The following SMARCC2 variants were observed in gnomAD, a reference collection of about 807,000 sequenced individuals.
SMARCC2 encodes SWI/SNF complex subunit SMARCC2.
Under a neutral mutation model 151.3 loss-of-function variants are expected in SMARCC2, and 15 were observed. That is an observed-to-expected ratio of 0.10 (90% CI 0.07 to 0.15). The LOEUF (loss-of-function observed/expected upper bound fraction) is 0.15, where lower values mean the gene tolerates loss of function less well. Ranked by LOEUF, SMARCC2 falls within the 10% of genes least tolerant of loss-of-function variation. SMARCC2 has a pLI of 1.00. For missense variants in SMARCC2, 1,031 were observed against 1,599.7 expected, an observed-to-expected ratio of 0.64 and a Z score of 6.06; for synonymous variants, 590 against 609.5, an observed-to-expected ratio of 0.97 and a Z score of 0.47.
At chr12:56,188,561 T>A (rs1255506821) in intron 1 of SMARCC2, among the ~76,000 whole-genome samples, 1 of 152,174 alleles carries the variant, frequency 6.6e-6, no homozygotes, top group Non-Finnish European at 1.5e-5. Flanking sequence ...CAGGTAAGGA[T>A]TCTTGAACCT....
In SMARCC2 at chr12:56,165,794, C is replaced by A. The variant is rs1592274094; in HGVS notation, c.2851-95G>T. 1.3e-5 allele frequency: 17 copies of A among 1,279,240 alleles called. No homozygotes were observed. The East Asian group carries it at 2.6e-4, about 19-fold the overall frequency. The allele number at this position is 1,279,240 out of a possible 1,614,324, so 79.2% of individuals were successfully genotyped here. ...CTTTGTCTTCTTCTGAAAGAGCCTG[C>A]CTCTCAATCAGAAGGTTCCCAAAAT... On this transcript the variant is annotated intron_variant, in intron 26 of 28. Coordinates refer to ENST00000550164, the MANE Select transcript of SMARCC2 (RefSeq NM_001330288.2).
Position 56,163,536 on chromosome 12 carries a change from AG to A in SMARCC2, c.*152del. On this transcript the variant is annotated 3_prime_UTR_variant, in exon 29 of 29. Coordinates refer to ENST00000550164, the MANE Select transcript of SMARCC2 (RefSeq NM_001330288.2). The stretch of plus-strand genomic sequence containing the variant: ...TGATATAAAAATGCATGCCTCTGTT[AG>A]GCATGGTGAGGGCTTTGGAGGGGCG... 1 of 449,584 alleles carries A rather than the reference AG, an allele frequency of 2.2e-6. No homozygotes were observed. Among genetic ancestry groups the A allele is most frequent in the South Asian group, 5.2e-5 (1 of 19,150 alleles). The allele number at this position is 449,584 out of a possible 1,614,324, so 27.8% of individuals were successfully genotyped here.
chr12:56,181,990 C>G lies in SMARCC2; in HGVS notation c.708+14G>C. 6.2e-7 allele frequency: 1 copy of G among 1,604,468 alleles called. No individual in the cohort carries two copies. On this transcript the variant is annotated intron_variant, in intron 8 of 28. Transcript: ENST00000550164. ...CATTCTTTTTGGGGAAGAGGGGATACAAGAAAAGCTCACCTTCCTAGGTTT... is the reference window on the plus strand; with the variant it reads ...CATTCTTTTTGGGGAAGAGGGGATAGAAGAAAAGCTCACCTTCCTAGGTTT...
intron 7 of SMARCC2, among the ~76,000 whole-genome samples, chr12:56,182,645 C>G (rs376474276): frequency 6.4e-4 from 97 of 150,950 alleles, no homozygotes; most frequent in African/African-American, 2.3e-3. Context: ...TTTGTTAAGA[C>G]AGGGTCTCAC....
intron 10 of SMARCC2, 143 bp from the exon 11 acceptor site, chr12:56,181,244 G>T: frequency 1.2e-6 from 1 of 804,954 alleles, no homozygotes; most frequent in Non-Finnish European, 2.0e-6. Context: ...ACACAGTAAT[G>T]GGAAGTGGCA....
At chr12:56,178,567 T>C (rs778748171) in intron 13 of SMARCC2, 33 bp from the exon 14 acceptor site, 3 of 1,613,902 alleles carry the variant, frequency 1.9e-6, no homozygotes, top group Non-Finnish European at 2.5e-6. Flanking sequence ...ACACTCAGCA[T>C]TCCTGCTTCC....
chr12:56,164,493 G>T lies in SMARCC2; in HGVS notation c.3471C>A (p.Ala1157=), dbSNP rs769747038. The change falls in exon 28 of 29, where the codon GCC becomes GCA. Residue 1157 remains alanine, a synonymous_variant. Transcript: ENST00000550164. ...LHGHHHHLPF[A]PGTLPPPNLP... is the part of the protein sequence containing the mutation. The stretch of plus-strand genomic sequence containing the variant: ...GGTTAGGTGGGGGGAGAGTGCCCGG[G>T]GCGAACGGGAGATGGTGGTGATGCC... The T allele has an allele frequency of 4.3e-6, 7 of 1,614,076 alleles. No homozygotes were observed. The highest frequency in any genetic ancestry group is 5.9e-6 in the Non-Finnish European group (7 of 1,180,050).
chr12:56,189,466 T>G lies in SMARCC2; in HGVS notation c.-5A>C. On this transcript the variant is annotated 5_prime_UTR_variant, in exon 1 of 29. Transcript: ENST00000550164. The stretch of plus-strand genomic sequence containing the variant: ...GTCCTTCTTCCGCACCGCCATCTTC[T>G]CCGGCTCGGGCCCCGCCGCCGCCCG... 1 of 1,472,596 alleles carries G rather than the reference T, an allele frequency of 6.8e-7. No individual in the cohort carries two copies. Among genetic ancestry groups the G allele is most frequent in the Non-Finnish European group, 9.1e-7 (1 of 1,098,240 alleles). The allele number at this position is 1,472,596 out of a possible 1,614,324, so 91.2% of individuals were successfully genotyped here. A position where few individuals can be genotyped will look rare whatever the true frequency, so the allele number is the denominator to read the frequency against.
intron 26 of SMARCC2, among the ~76,000 whole-genome samples, chr12:56,166,394 A>C (rs573963276): frequency 2.6e-5 from 4 of 151,724 alleles, no homozygotes; most frequent in Non-Finnish European, 4.4e-5. Flanking sequence ...CTCGTGATCC[A>C]CCTGCCTCAG....
chr12:56,176,489 T>C (rs894753576), intron 15 of SMARCC2, among the ~76,000 whole-genome samples: 8 of 152,220 alleles, frequency 5.3e-5, no homozygotes, highest in African/African-American at 1.9e-4. Context: ...ATCTTTTTTT[T>C]TTTCTTGAGA....
At chr12:56,173,550 G>T in intron 17 of SMARCC2, 146 bp downstream of exon 17, 1 of 705,896 alleles carries the variant, frequency 1.4e-6, no homozygotes, top group Non-Finnish European at 2.4e-6. Context: ...AACACATGGG[G>T]CTGATTCCCG....
In SMARCC2 at chr12:56,178,847, T is replaced by C. The variant is rs1875549716; in HGVS notation, c.1142A>G (p.Asp381Gly). ...CTCCATGCTTTCATCTTCCTGTTCA[T>C]CTGAAAGAGAAAAACCAAGATGTAA... ...PVKGGTMTDL[D>G]EQEDESMETT... is the part of the protein sequence containing the mutation. The change falls in exon 13 of 29, where the codon GAT becomes GGT. Residue 381 changes from aspartate (D) to glycine (G), a missense_variant and splice_region_variant. This residue lies in a region of SMARCC2 where 127 missense variants were observed against 141.7 expected (regional missense o/e 0.90). Coordinates refer to ENST00000550164, the MANE Select transcript of SMARCC2 (RefSeq NM_001330288.2). The C allele has an allele frequency of 6.2e-7, 1 of 1,614,082 alleles. No individual in the cohort carries two copies. The highest frequency in any genetic ancestry group is 8.5e-7 in the Non-Finnish European group (1 of 1,179,936).
Position 56,163,595 on chromosome 12 carries a change from C to A in SMARCC2, c.*94G>T. 1.5e-6 allele frequency: 1 copy of A among 658,240 alleles called. No individual in the cohort carries two copies. The highest frequency in any genetic ancestry group is 2.5e-6 in the Non-Finnish European group (1 of 403,450). The allele number at this position is 658,240 out of a possible 1,614,324, so 40.8% of individuals were successfully genotyped here. ...CTTTCCTTACGTAGTGATGAACTCT[C>A]CAGGCTGGGGAGGGTCCCAGTGGTG... On this transcript the variant is annotated 3_prime_UTR_variant, in exon 29 of 29. Transcript: ENST00000550164.
At chr12:56,169,031 C>T (rs759468678) in intron 25 of SMARCC2, among the ~76,000 whole-genome samples, 6 of 151,888 alleles carry the variant, frequency 4.0e-5, no homozygotes, top group South Asian at 2.1e-4. Flanking sequence ...CGGTGGCTCA[C>T]GCCTGTAATT....
intron 26 of SMARCC2, among the ~76,000 whole-genome samples, chr12:56,167,716 A>G (rs868690508): frequency 6.6e-6 from 1 of 151,962 alleles, no homozygotes; most frequent in African/African-American, 2.4e-5. Flanking sequence ...AACCAACTAG[A>G]GTCCCTGCCT....
intron 3 of SMARCC2, 58 bp from the exon 4 acceptor site, chr12:56,185,169 G>A: frequency 7.1e-7 from 1 of 1,408,198 alleles, no homozygotes; most frequent in Non-Finnish European, 1.0e-6. Flanking sequence ...GATGAGGTGA[G>A]GGCACGTGAC....
intron 3 of SMARCC2, 32 bp downstream of exon 3, chr12:56,186,122 TA>T: frequency 7.0e-7 from 1 of 1,426,510 alleles, no homozygotes. Context: ...TCCTCTAAAC[TA>T]AATATAAGAA....
chr12:56,168,068 G>A lies in SMARCC2; in HGVS notation c.2842C>T (p.Arg948Ter). The A allele has an allele frequency of 6.2e-7, 1 of 1,610,702 alleles. No homozygotes were observed. The change falls in exon 26 of 29, where the codon CGA becomes TGA. Residue 948 changes from arginine (R) to a stop codon, truncating the protein, a stop_gained. Transcript: ENST00000550164. LOFTEE classifies it high-confidence loss of function. Reference sequence around the variant, plus strand: ...GGGCTCCTGCTACTCACTGCTTCTCGCTCCCGGTCCATGATAGTCTCCAGC... The same window carrying A: ...GGGCTCCTGCTACTCACTGCTTCTCACTCCCGGTCCATGATAGTCTCCAGC... ...EELETIMDRE[R>*]EALEYQRQQL...
At chr12:56,175,911 T>A (rs1034555130) in intron 15 of SMARCC2, among the ~76,000 whole-genome samples, 1 of 151,886 alleles carries the variant, frequency 6.6e-6, no homozygotes, top group Admixed American at 6.6e-5. Flanking sequence ...CAGGCTGGAG[T>A]ACAATGATGA....
Sources: allele counts gnomAD v4.1 joint callset (sites outside exome capture counted in the v4.1 genomes callset), GRCh38; gene constraint gnomAD v4.1.1; regional missense constraint gnomAD v4.1.1; transcripts MANE v1.5; gene names NCBI Gene and HGNC (gene_info 2026-07-23, HGNC 2026-07-21).